MAP3K2: variants seen among roughly 807,000 people sequenced by gnomAD.
MAP3K2 encodes the protein MAP/ERK kinase kinase 2.
In MAP3K2, 24 loss-of-function variants were observed where a neutral mutation model predicts 80.3. The ratio of observed to expected loss-of-function variants is 0.30; its 90% CI spans 0.22 to 0.42. The LOEUF is 0.42. Among genes scored for constraint, MAP3K2 ranks in the 10% least tolerant of loss-of-function variants. The pLI is 1.00. For synonymous variants in MAP3K2, 244 were observed against 253.7 expected (o/e 0.96, Z 0.36); for missense variants, 608 against 750.1 (o/e 0.81, Z 2.21).
At chr2:127,375,293 G>A (rs1277973835) in intron 1 of MAP3K2, among the ~76,000 whole-genome samples, 1 of 152,130 alleles carries the variant, frequency 6.6e-6, no homozygotes, top group East Asian at 1.9e-4. Context: ...GACAACACAG[G>A]CCCCGGACAG....
chr2:127,327,055 A>G (rs1271918540), intron 7 of MAP3K2, among the ~76,000 whole-genome samples: 1 of 152,208 alleles, frequency 6.6e-6, no homozygotes, highest in South Asian at 2.1e-4. Flanking sequence ...CTCACTAGGT[A>G]GGATGGTATT....
At chr2:127,336,693 T>C (rs903613058) in intron 4 of MAP3K2, among the ~76,000 whole-genome samples, 1 of 152,194 alleles carries the variant, frequency 6.6e-6, no homozygotes, top group Admixed American at 6.5e-5. Context: ...AATAGGAAAA[T>C]AGATTGGATA....
Position 127,298,799 on chromosome 2 carries a change from G to C in MAP3K2, c.*8780C>G, listed in dbSNP as rs1462167951. The C allele has an allele frequency of 6.6e-6, 1 of 152,144 alleles. No homozygotes were observed. Among genetic ancestry groups the C allele is most frequent in the African/African-American group, 2.4e-5 (1 of 41,428 alleles). The allele number at this position is 152,144 out of a possible 1,614,324, so 9.4% of individuals were successfully genotyped here. A position where few individuals can be genotyped will look rare whatever the true frequency, so the allele number is the denominator to read the frequency against. On this transcript the variant is annotated 3_prime_UTR_variant, in exon 17 of 17. Transcript: ENST00000682094. ...ATCTTTCAAAAAAATGAACATGTAA[G>C]AAAAAGCAGTTTTCATTGTGCTAAT...
chr2:127,383,939 T>C (rs1411054291), intron 1 of MAP3K2, among the ~76,000 whole-genome samples: 2 of 149,854 alleles, frequency 1.3e-5, no homozygotes, highest in East Asian at 3.9e-4. Flanking sequence ...AGTGGCGCCA[T>C]CTCTGCTCAC....
intron 2 of MAP3K2, among the ~76,000 whole-genome samples, chr2:127,340,444 G>A (rs572334524): frequency 6.6e-6 from 1 of 152,238 alleles, no homozygotes; most frequent in Admixed American, 6.5e-5. Context: ...AGATCATAAG[G>A]TCAGGAATTC....
chr2:127,387,931 G>A lies in MAP3K2; in HGVS notation c.-545C>T, dbSNP rs898020621. 861 of 984,726 alleles carry A rather than the reference G, an allele frequency of 8.7e-4. 1 individual carries two copies. Among genetic ancestry groups the A allele is most frequent in the Admixed American group, 3.0e-3 (49 of 16,240 alleles). 61.0% of individuals were successfully genotyped at this position (984,726 alleles called of 1,614,324 possible). Reference sequence around the variant, plus strand: ...CGCGGCACCCTCGTCAGGCGCCGCCGCTGAGGGCAGGCAGCCCGGCAGCCA... The same window carrying A: ...CGCGGCACCCTCGTCAGGCGCCGCCACTGAGGGCAGGCAGCCCGGCAGCCA... On this transcript the variant is annotated 5_prime_UTR_variant, in exon 1 of 17. Transcript: ENST00000682094.
At chr2:127,326,969 T>A (rs1381432522) in intron 7 of MAP3K2, among the ~76,000 whole-genome samples, 152 bp from the exon 8 acceptor site, 1 of 152,240 alleles carries the variant, frequency 6.6e-6, no homozygotes, top group Non-Finnish European at 1.5e-5. Flanking sequence ...CATTTGTAAA[T>A]CTTCAAATGG....
upstream of MAP3K2, chr2:127,388,098 A>G: frequency 7.1e-6 from 7 of 984,002 alleles, no homozygotes; most frequent in Non-Finnish European, 8.4e-6. Context: ...GCGCCTGCGC[A>G]GAGGCCCGCC....
chr2:127,341,468 A>G (rs1377648998), intron 2 of MAP3K2, among the ~76,000 whole-genome samples: 2 of 149,900 alleles, frequency 1.3e-5, no homozygotes, highest in Non-Finnish European at 1.5e-5. Context: ...ACTACTGGGC[A>G]CTTATTTACC....
At chr2:127,353,670 C>T (rs1282885746) in intron 1 of MAP3K2, among the ~76,000 whole-genome samples, 7 of 151,654 alleles carry the variant, frequency 4.6e-5, no homozygotes, top group South Asian at 4.2e-4. Context: ...AGGTGAGGGG[C>T]GCCTCTGCCC....
At position 127,329,211 on chromosome 2, in the gene MAP3K2, T is replaced by C. The variant is rs191853852; in HGVS notation, c.466+710A>G. Among the ~76,000 whole-genome samples, 355 of 152,280 alleles carry C rather than the reference T, an allele frequency of 2.3e-3. 1 individual carries two copies. Among genetic ancestry groups the C allele is most frequent in the African/African-American group, 7.7e-3 (322 of 41,574 alleles). On this transcript the variant is annotated intron_variant, in intron 7 of 16. Coordinates refer to ENST00000682094, the MANE Select transcript of MAP3K2 (RefSeq NM_001371910.2). ...ATACTAATAAAGTAATAATAAAGCA[T>C]AATATAAAAATTCTTAGTATCTTTA... is the stretch of plus-strand genomic sequence containing the variant.
rs1685932385 is a variant in MAP3K2 at position 127,317,652 on chromosome 2, T to C, written c.1303A>G (p.Ile435Val). 6.3e-7 allele frequency: 1 copy of C among 1,580,810 alleles called. No homozygotes were observed. ...LRDPQEKTLSIFMEYMPGGSI... is the reference protein window; with the variant it reads ...LRDPQEKTLSVFMEYMPGGSI... The stretch of plus-strand genomic sequence containing the variant: ...ACCCCTGGCATATATTCCATAAATA[T>C]GGAAAGTGTTTTTTCCTGGGGATCC... The change falls in exon 14 of 17, where the codon ATA (isoleucine) becomes GTA (valine). Residue 435 changes from isoleucine (I) to valine (V), a missense_variant. Physicochemically the swap from Ile to Val is conservative, Grantham distance 29. Coordinates refer to ENST00000682094, the MANE Select transcript of MAP3K2 (RefSeq NM_001371910.2).
intron 5 of MAP3K2, among the ~76,000 whole-genome samples, chr2:127,334,068 C>A (rs1356643253): frequency 6.6e-6 from 1 of 152,128 alleles, no homozygotes; most frequent in African/African-American, 2.4e-5. Context: ...CCACTGCATT[C>A]CAACCTGGGT....
At chr2:127,387,398 G>GCGCGCGCGCACACACACACACCCA in intron 1 of MAP3K2, 54 bp downstream of exon 1, 1 of 189,654 alleles carries the variant, frequency 5.3e-6, no homozygotes, top group Non-Finnish European at 8.7e-6. Flanking sequence ...ACACACGCGC[G>GCGCGCGCGCACACACACACACCCA]CACACACACA....
chr2:127,316,909 C>T (rs137861683), intron 14 of MAP3K2: 9 of 152,190 alleles, frequency 5.9e-5, no homozygotes, highest in East Asian at 1.9e-4. Context: ...AAAATTAGAA[C>T]GATACAGAGA....
intron 1 of MAP3K2, among the ~76,000 whole-genome samples, chr2:127,381,227 CCT>C (rs1230862120): frequency 2.6e-5 from 4 of 152,078 alleles, no homozygotes; most frequent in African/African-American, 9.7e-5. Flanking sequence ...ATCCAGTGTT[CCT>C]CCCATTACAT....
intron 1 of MAP3K2, among the ~76,000 whole-genome samples, chr2:127,366,714 C>A (rs1289813830): frequency 6.6e-6 from 1 of 152,122 alleles, no homozygotes; most frequent in Non-Finnish European, 1.5e-5. Context: ...TCACCCCACT[C>A]CCTACCTTTT....
intron 8 of MAP3K2, 77 bp from the exon 9 acceptor site, chr2:127,325,884 T>TA: frequency 1.1e-6 from 1 of 881,824 alleles, no homozygotes; most frequent in Non-Finnish European, 1.9e-6. Context: ...CTGCCTTAAT[T>TA]AGACATACTT....
At chr2:127,319,673 A>AAAAAAAAAAAAAAG (rs1558975361) in intron 12 of MAP3K2, among the ~76,000 whole-genome samples, 9 of 142,492 alleles carry the variant, frequency 6.3e-5, no homozygotes, top group African/African-American at 2.4e-4. Context: ...AAAAAAAAAA[A>AAAAAAAAAAAAAAG]AAAAAGAAAA....
Sources: allele counts gnomAD v4.1 joint callset (sites outside exome capture counted in the v4.1 genomes callset), GRCh38; gene constraint gnomAD v4.1.1; transcripts MANE v1.5; gene names NCBI Gene and HGNC (gene_info 2026-07-23, HGNC 2026-07-21).